The following GRID2 variants were observed in gnomAD, a reference collection of about 807,000 sequenced individuals.
GRID2 encodes glutamate receptor ionotropic, delta-2.
Under a neutral mutation model 114.8 loss-of-function variants are expected in GRID2, and 33 were observed. The observed-to-expected ratio is 0.29, with a 90% CI of 0.22 to 0.38. GRID2 has a LOEUF of 0.38. GRID2 is among the 10% of genes least tolerant of loss of function. The pLI is 1.00. For missense variants in GRID2, 1,184 were observed against 1,257.7 expected (o/e 0.94, Z 0.89); for synonymous variants, 505 against 449.9 (o/e 1.12, Z -1.55).
intron 2 of GRID2, among the ~76,000 whole-genome samples, chr4:92,654,555 C>A (rs1476091779): frequency 6.6e-6 from 1 of 152,030 alleles, no homozygotes; most frequent in Non-Finnish European, 1.5e-5. Context: ...CTTTTCTCTG[C>A]ATCCTTGCCA....
chr4:93,438,675 CTTTAT>C (rs987777860), intron 10 of GRID2, among the ~76,000 whole-genome samples: 5 of 151,834 alleles, frequency 3.3e-5, no homozygotes, highest in African/African-American at 1.2e-4. Flanking sequence ...AGTTAATATT[CTTTAT>C]TTTATTTTAT....
chr4:93,455,755 G>C lies in GRID2; in HGVS notation c.1639G>C (p.Val547Leu). ...TTRYMDYSVG[V>L]LLRRAEKTVD... is the part of the protein sequence containing the mutation. ...ACGTTACATGGACTACTCAGTGGGG[G>C]TACTACTTCGAAGGGCTGAAAAGAC... Residue 547 changes from valine (V) to leucine (L), a missense_variant, in exon 11 of 16, where the codon GTA (valine) becomes CTA (leucine). This residue lies in a region of GRID2 where 717 missense variants were observed against 796.9 expected (regional missense o/e 0.90). Coordinates refer to ENST00000282020, the MANE Select transcript of GRID2 (RefSeq NM_001510.4). 1 of 1,610,550 alleles carries C rather than the reference G, an allele frequency of 6.2e-7. No homozygotes were observed. Among genetic ancestry groups the C allele is most frequent in the Non-Finnish European group, 8.5e-7 (1 of 1,176,830 alleles).
At chr4:92,407,589 C>T (rs1731091351) in intron 1 of GRID2, among the ~76,000 whole-genome samples, 1 of 152,130 alleles carries the variant, frequency 6.6e-6, no homozygotes, top group African/African-American at 2.4e-5. Flanking sequence ...GCCTCACCAA[C>T]ATCTGTTATT....
intron 7 of GRID2, among the ~76,000 whole-genome samples, chr4:93,235,921 A>G (rs1276875864): frequency 6.6e-6 from 1 of 152,112 alleles, no homozygotes; most frequent in Admixed American, 6.6e-5. Context: ...TAAACATTTT[A>G]GGGATATAGT....
intron 2 of GRID2, among the ~76,000 whole-genome samples, chr4:92,641,590 A>G (rs538148050): frequency 2.0e-5 from 3 of 151,934 alleles, no homozygotes; most frequent in African/African-American, 7.2e-5. Context: ...TAAAATGAGT[A>G]AGTTCTGGAA....
intron 4 of GRID2, among the ~76,000 whole-genome samples, chr4:93,202,226 A>G (rs1447788077): frequency 1.3e-5 from 2 of 152,104 alleles, no homozygotes; most frequent in African/African-American, 4.8e-5. Context: ...TAAAATCAAT[A>G]TTATTTTAAT....
chr4:93,113,304 A>C lies in GRID2; in HGVS notation c.735+2351A>C, dbSNP rs145821033. On this transcript the variant is annotated intron_variant, in intron 4 of 15. Coordinates refer to ENST00000282020, the MANE Select transcript of GRID2 (RefSeq NM_001510.4). ...TACTAACATCATCCTTGTTTTGTAGATAAGAAAACTGAGGTGTACAGGGTT... is the reference window on the plus strand; with the variant it reads ...TACTAACATCATCCTTGTTTTGTAGCTAAGAAAACTGAGGTGTACAGGGTT... Among the ~76,000 whole-genome samples the C allele has an allele frequency of 5.4e-4, 83 of 152,316 alleles. No individual in the cohort carries two copies. In the East Asian group the frequency reaches 0.012, roughly 23 times the overall value.
chr4:92,862,052 A>G (rs1417156225), intron 2 of GRID2, among the ~76,000 whole-genome samples: 1 of 152,022 alleles, frequency 6.6e-6, no homozygotes, highest in African/African-American at 2.4e-5. Flanking sequence ...TGGGTGCTCA[A>G]TAAATGCTGA....
At chr4:92,310,667 G>A (rs1725654085) in intron 1 of GRID2, among the ~76,000 whole-genome samples, 2 of 151,952 alleles carry the variant, frequency 1.3e-5, no homozygotes, top group Non-Finnish European at 2.9e-5. Context: ...TTTATAAATA[G>A]CTAATTGAAT....
intron 8 of GRID2, among the ~76,000 whole-genome samples, chr4:93,307,526 C>A (rs1755563916): frequency 6.6e-6 from 1 of 151,890 alleles, no homozygotes; most frequent in Admixed American, 6.6e-5. Flanking sequence ...TTTTACCTTT[C>A]ATTGTCTATG....
intron 2 of GRID2, among the ~76,000 whole-genome samples, chr4:92,713,473 ATACATAT>A (rs1269999855): frequency 7.1e-4 from 51 of 72,242 alleles, no homozygotes; most frequent in Middle Eastern, 6.5e-3. Flanking sequence ...ACATATACAT[ATACATAT>A]ATATATATAT....
rs1725279357 is a variant in GRID2 at position 92,304,594 on chromosome 4, A to C, written c.-63A>C. ...TCCACCGTGACCTCAAACTCTTTGG[A>C]CTGTTTGAAAAAAAAAAAATTGGAA... On this transcript the variant is annotated 5_prime_UTR_variant, in exon 1 of 16. Coordinates refer to ENST00000282020, the MANE Select transcript of GRID2 (RefSeq NM_001510.4). 9.3e-7 allele frequency: 1 copy of C among 1,079,796 alleles called. No individual in the cohort carries two copies. Among genetic ancestry groups the C allele is most frequent in the Non-Finnish European group, 1.4e-6 (1 of 693,776 alleles). The allele number at this position is 1,079,796 out of a possible 1,614,324, so 66.9% of individuals were successfully genotyped here. A position where few individuals can be genotyped will look rare whatever the true frequency, so the allele number is the denominator to read the frequency against.
chr4:93,159,653 A>C (rs1190834807), intron 4 of GRID2, among the ~76,000 whole-genome samples: 3 of 151,158 alleles, frequency 2.0e-5, no homozygotes, highest in African/African-American at 7.3e-5. Context: ...TTCATTTTAA[A>C]CACTGAAAAT....
At chr4:93,488,779 C>A (rs1181200363) in intron 11 of GRID2, among the ~76,000 whole-genome samples, 1 of 151,966 alleles carries the variant, frequency 6.6e-6, no homozygotes, top group Non-Finnish European at 1.5e-5. Context: ...CCTTGGCTTG[C>A]AGATGGTCAC....
intron 1 of GRID2, among the ~76,000 whole-genome samples, chr4:93,804,702 A>G (rs10033683): frequency 0.23 from 35,420 of 152,108 alleles, 4,864 homozygotes; most frequent in Non-Finnish European, 0.3. Context: ...ATACAGCAGA[A>G]GAGTTGTTTG....
At chr4:93,368,186 A>G (rs1456957136) in intron 8 of GRID2, among the ~76,000 whole-genome samples, 1 of 152,154 alleles carries the variant, frequency 6.6e-6, no homozygotes, top group Non-Finnish European at 1.5e-5. Flanking sequence ...CCCAACCAAT[A>G]AAGTGACAGT....
At chr4:93,054,180 G>T (rs532478635) in intron 2 of GRID2, among the ~76,000 whole-genome samples, 1 of 151,904 alleles carries the variant, frequency 6.6e-6, no homozygotes. Flanking sequence ...TCATAGAAAT[G>T]CTAAATGAAA....
At chr4:93,332,295 T>TGAGAGAGAGAGAGA (rs1353456848) in intron 8 of GRID2, among the ~76,000 whole-genome samples, 72 of 128,964 alleles carry the variant, frequency 5.6e-4, no homozygotes, top group African/African-American at 1.5e-3. Context: ...TGTGTGTGTG[T>TGAGAGAGAGAGAGA]GTGTGAGAGA....
intron 2 of GRID2, among the ~76,000 whole-genome samples, chr4:92,792,387 G>A (rs1364917616): frequency 6.6e-6 from 1 of 150,792 alleles, no homozygotes; most frequent in Non-Finnish European, 1.5e-5. Context: ...TTTTCCTTGT[G>A]TAGTTCAGAA....
Sources: allele counts gnomAD v4.1 joint callset (sites outside exome capture counted in the v4.1 genomes callset), GRCh38; gene constraint gnomAD v4.1.1; regional missense constraint gnomAD v4.1.1; transcripts MANE v1.5; gene names NCBI Gene and HGNC (gene_info 2026-07-23, HGNC 2026-07-21).